CPXM2: variants seen among roughly 807,000 people sequenced by gnomAD.
The protein encoded by CPXM2 is inactive carboxypeptidase-like protein X2.
A neutral mutation model predicts 86.1 loss-of-function variants in CPXM2; 66 were observed. That is an observed-to-expected ratio of 0.77 (90% CI 0.63 to 0.94). The LOEUF is 0.94. Among genes scored for constraint, CPXM2 ranks in the 40% least tolerant of loss-of-function variants. CPXM2 has a pLI of 0.00. For synonymous variants in CPXM2, 388 were observed against 400.2 expected, an observed-to-expected ratio of 0.97 and a Z score of 0.36; for missense variants, 948 against 1,026.3, an observed-to-expected ratio of 0.92 and a Z score of 1.04.
rs1008244286 is a variant in CPXM2, at chr10:123,746,061, T to C, written c.*703A>G. ...CAGGGCTACTGGATCAGCAGGGACT[T>C]TGGGGGTTGTTTATGGACCCAGAAT... On this transcript the variant is annotated 3_prime_UTR_variant, in exon 14 of 14. Transcript: ENST00000241305. 3 of 152,136 alleles carry C rather than the reference T, an allele frequency of 2.0e-5. No homozygotes were observed. The highest frequency in any genetic ancestry group is 7.2e-5 in the African/African-American group (3 of 41,442). 9.4% of individuals were successfully genotyped at this position (152,136 alleles called of 1,614,324 possible).
At chr10:123,772,374 C>T (rs1277356291) in intron 7 of CPXM2, among the ~76,000 whole-genome samples, 4 of 152,062 alleles carry the variant, frequency 2.6e-5, no homozygotes, top group Admixed American at 6.5e-5. Flanking sequence ...GTGGTTATCA[C>T]CTCCCTGGTT....
intron 2 of CPXM2, among the ~76,000 whole-genome samples, chr10:123,914,421 T>C (rs531918930): frequency 6.6e-6 from 1 of 152,266 alleles, no homozygotes; most frequent in East Asian, 1.9e-4. Flanking sequence ...AGCCTGTTCA[T>C]TCTACCCATT....
At chr10:123,767,199 G>T in intron 9 of CPXM2, 47 bp from the exon 10 acceptor site, 3 of 1,550,654 alleles carry the variant, frequency 1.9e-6, no homozygotes, top group Non-Finnish European at 2.7e-6. Context: ...GCAGGACAAC[G>T]CGGACCCTCT....
intron 6 of CPXM2, among the ~76,000 whole-genome samples, chr10:123,787,038 C>A (rs1295178834): frequency 1.3e-5 from 2 of 152,160 alleles, no homozygotes; most frequent in Admixed American, 6.5e-5. Flanking sequence ...CACCCTCCAG[C>A]TGGCCCAAAA....
chr10:123,851,246 G>A (rs1482587883), intron 3 of CPXM2, among the ~76,000 whole-genome samples: 4 of 152,050 alleles, frequency 2.6e-5, no homozygotes, highest in Non-Finnish European at 5.9e-5. Flanking sequence ...TCTTTGACCT[G>A]GAATGCTCTT....
At chr10:123,787,203 T>C (rs1398088785) in intron 6 of CPXM2, among the ~76,000 whole-genome samples, 1 of 151,992 alleles carries the variant, frequency 6.6e-6, no homozygotes, top group African/African-American at 2.4e-5. Flanking sequence ...AAGATGACAG[T>C]GCAGACAGAG....
In CPXM2 at chr10:123,904,683, C is replaced by G. The variant is rs571116352; in HGVS notation, n.175-24374G>C. Among the ~76,000 whole-genome samples the G allele has an allele frequency of 5.2e-3, 798 of 152,276 alleles. 3 individuals are homozygous for G. The highest frequency in any genetic ancestry group is 0.014 in the Middle Eastern group (4 of 294). On this transcript the variant is annotated intron_variant and non_coding_transcript_variant, in intron 2 of 19. Coordinates refer to the CPXM2 transcript ENST00000368854. ...CAAACCCTGGTCTGAACGTGTGTCTCCAAACTCCCTGTCACTTCTGCTATT... is the reference window on the plus strand; with the variant it reads ...CAAACCCTGGTCTGAACGTGTGTCTGCAAACTCCCTGTCACTTCTGCTATT...
At chr10:123,871,303 C>T (rs1330600448) in intron 2 of CPXM2, among the ~76,000 whole-genome samples, 1 of 152,220 alleles carries the variant, frequency 6.6e-6, no homozygotes, top group Non-Finnish European at 1.5e-5. Context: ...GACAAGTTTT[C>T]ATCCTCGAAT....
intron 7 of CPXM2, among the ~76,000 whole-genome samples, chr10:123,775,851 G>A (rs1227044730): frequency 4.6e-5 from 7 of 152,268 alleles, no homozygotes; most frequent in South Asian, 2.1e-4. Flanking sequence ...TCAAAGACAC[G>A]GGTGGTGGCC....
chr10:123,843,416 GCTA>G (rs1296111199), intron 3 of CPXM2: 2 of 318,040 alleles, frequency 6.3e-6, no homozygotes, highest in African/African-American at 4.7e-5. Context: ...TTTTTCCATG[GCTA>G]TTTCACAGAG....
chr10:123,801,119 A>G (rs1484004409), intron 4 of CPXM2, among the ~76,000 whole-genome samples: 1 of 152,134 alleles, frequency 6.6e-6, no homozygotes, highest in Non-Finnish European at 1.5e-5. Context: ...CCCAAATTTC[A>G]TTTTGAATTG....
chr10:123,780,080 G>A, intron 7 of CPXM2, 87 bp downstream of exon 7: 2 of 826,088 alleles, frequency 2.4e-6, no homozygotes, highest in Non-Finnish European at 4.2e-6. Flanking sequence ...TCAATTTCTG[G>A]AAAAAAAAAT....
At chr10:123,934,694 G>A (rs532600720) in intron 2 of CPXM2, among the ~76,000 whole-genome samples, 9 of 152,192 alleles carry the variant, frequency 5.9e-5, no homozygotes, top group Non-Finnish European at 8.8e-5. Flanking sequence ...AGCCTGATGG[G>A]GAAGCTCTGT....
intron 6 of CPXM2, among the ~76,000 whole-genome samples, chr10:123,784,028 G>T (rs1485047207): frequency 1.3e-5 from 2 of 152,180 alleles, no homozygotes; most frequent in Non-Finnish European, 2.9e-5. Context: ...TCTGAATTGT[G>T]CTCTCCCACC....
chr10:123,829,130 C>T (rs768890372), intron 4 of CPXM2, among the ~76,000 whole-genome samples: 7 of 152,266 alleles, frequency 4.6e-5, no homozygotes, highest in East Asian at 1.9e-4. Flanking sequence ...CATTCAACAT[C>T]GCTAGCTATT....
intron 2 of CPXM2, among the ~76,000 whole-genome samples, chr10:123,921,127 C>T (rs1945575811): frequency 6.6e-6 from 1 of 152,114 alleles, no homozygotes; most frequent in African/African-American, 2.4e-5. Context: ...GAATAAATCT[C>T]TCAATTTTAG....
At chr10:123,858,729 C>T (rs903365153) in intron 3 of CPXM2, among the ~76,000 whole-genome samples, 5 of 152,236 alleles carry the variant, frequency 3.3e-5, no homozygotes, top group Non-Finnish European at 7.3e-5. Context: ...CCCACTCTCC[C>T]TCTGCTAAAG....
In CPXM2 at chr10:123,800,203, A is replaced by G. The variant is rs140590093; in HGVS notation, c.654-1004T>C. Among the ~76,000 whole-genome samples, 569 of 152,126 alleles carry G rather than the reference A, an allele frequency of 3.7e-3. 2 individuals carry two copies. The highest frequency in any genetic ancestry group is 0.014 in the Middle Eastern group (4 of 294). ...TTCAAAAGAACAGCTGGTTCTATGCATTCTGGTTCATCCGACTGACTTGTC... is the reference window on the plus strand; with the variant it reads ...TTCAAAAGAACAGCTGGTTCTATGCGTTCTGGTTCATCCGACTGACTTGTC... On this transcript the variant is annotated intron_variant, in intron 4 of 13. Transcript: ENST00000241305.
In CPXM2 at chr10:123,885,848, GC is replaced by G. The variant is rs1396165169; in HGVS notation, c.304+5507del. 6.6e-6 allele frequency among the ~76,000 whole-genome samples: 1 copy of G among 152,222 alleles called. No individual in the cohort carries two copies. Among genetic ancestry groups the G allele is most frequent in the Non-Finnish European group, 1.5e-5 (1 of 68,044 alleles). ...CTGCCATTGTCCCCACACTAAAGGT[GC>G]CATGAGCTCTAGCAGCCATGGACAC... is the stretch of plus-strand genomic sequence containing the variant. On this transcript the variant is annotated intron_variant, in intron 1 of 13. Coordinates refer to ENST00000241305, the MANE Select transcript of CPXM2 (RefSeq NM_198148.3). The surrounding 1 kb of genome is among the most constrained non-coding windows in gnomAD (Gnocchi z 4.0).
Sources: gnomAD v4.1 joint callset for allele counts (sites outside exome capture counted in the v4.1 genomes callset) on GRCh38, gnomAD v4.1.1 for gene constraint, Gnocchi (gnomAD v3.1) non-coding constraint, MANE v1.5 for transcripts, NCBI Gene and HGNC (gene_info 2026-07-23, HGNC 2026-07-21) for gene names.